Variants in IVNS1ABP observed in about 807,000 individuals in gnomAD.
IVNS1ABP encodes the protein influenza virus NS1A binding protein.
In IVNS1ABP, 25 loss-of-function variants were observed where a neutral mutation model predicts 78.9. That is an observed-to-expected ratio of 0.32 (90% CI 0.23 to 0.44). The LOEUF (loss-of-function observed/expected upper bound fraction) is 0.44, where lower values mean the gene tolerates loss of function less well. Among genes scored for constraint, IVNS1ABP ranks in the 20% least tolerant of loss-of-function variants. IVNS1ABP has a pLI of 1.00. For missense variants in IVNS1ABP, 494 were observed against 768.9 expected (o/e 0.64, Z 4.23); for synonymous variants, 241 against 259.7 (o/e 0.93, Z 0.69).
Position 185,297,906 on chromosome 1 carries a change from G to A in IVNS1ABP, c.*129C>T. 1 of 818,354 alleles carries A rather than the reference G, an allele frequency of 1.2e-6. No homozygotes were observed. Among genetic ancestry groups the A allele is most frequent in the Admixed American group, 2.4e-5 (1 of 42,152 alleles). The allele number at this position is 818,354 out of a possible 1,614,324, so 50.7% of individuals were successfully genotyped here. A position where few individuals can be genotyped will look rare whatever the true frequency, so the allele number is the denominator to read the frequency against. On this transcript the variant is annotated 3_prime_UTR_variant, in exon 15 of 15. Transcript: ENST00000367498. ...GTATGTACAGCATGTTTAATAGTAT[G>A]CAATATGCAAAAGCTTTGTGTTGCT...
At chr1:185,315,752 A>T (rs1018693939) in intron 1 of IVNS1ABP, among the ~76,000 whole-genome samples, 6 of 152,226 alleles carry the variant, frequency 3.9e-5, no homozygotes, top group African/African-American at 1.4e-4. Context: ...TAGAATTATT[A>T]AAAGAAAGCA....
intron 8 of IVNS1ABP, among the ~76,000 whole-genome samples, chr1:185,302,480 T>C (rs1665627194): frequency 6.6e-6 from 1 of 152,150 alleles, no homozygotes; most frequent in South Asian, 2.1e-4. Context: ...ATCCCACTTG[T>C]GCTGGTCCAG....
At chr1:185,307,370 A>G (rs1665765990) in intron 6 of IVNS1ABP, 119 bp downstream of exon 6, 2 of 927,782 alleles carry the variant, frequency 2.2e-6, no homozygotes, top group Non-Finnish European at 3.2e-6. Flanking sequence ...GCTGCTAAGA[A>G]TAACAATATA....
intron 10 of IVNS1ABP, 59 bp downstream of exon 10, chr1:185,300,913 T>A (rs143972193): frequency 7.5e-7 from 1 of 1,328,678 alleles, no homozygotes; most frequent in Non-Finnish European, 1.1e-6. Flanking sequence ...CTTTGAAAGT[T>A]TGCATGTCAC....
At position 185,299,989 on chromosome 1, in the gene IVNS1ABP, A is replaced by G; in HGVS notation, c.1501+10T>C. ...TCTTTAAAAAAAAAAAGGAAAAAAA[A>G]TCAACTTACGAATGTTAAGAGGGGC... On this transcript the variant is annotated intron_variant, in intron 13 of 14. Transcript: ENST00000367498. 6.2e-7 allele frequency: 1 copy of G among 1,606,696 alleles called. No homozygotes were observed. The highest frequency in any genetic ancestry group is 1.7e-5 in the Admixed American group (1 of 58,214).
intron 1 of IVNS1ABP, among the ~76,000 whole-genome samples, chr1:185,316,147 T>G (rs1027641059): frequency 3.3e-5 from 5 of 152,164 alleles, no homozygotes; most frequent in Non-Finnish European, 7.4e-5. Flanking sequence ...GAGCAAATCT[T>G]GCCACTGATT....
At position 185,297,400 on chromosome 1, in the gene IVNS1ABP, A is replaced by ACCCCTACT. The variant is rs1436348683; in HGVS notation, c.*627_*634dup. 1 of 152,128 alleles carries ACCCCTACT rather than the reference A, an allele frequency of 6.6e-6. No individual in the cohort carries two copies. Among genetic ancestry groups the ACCCCTACT allele is most frequent in the Non-Finnish European group, 1.5e-5 (1 of 68,030 alleles). The allele number at this position is 152,128 out of a possible 1,614,324, so 9.4% of individuals were successfully genotyped here. A position where few individuals can be genotyped will look rare whatever the true frequency, so the allele number is the denominator to read the frequency against. On this transcript the variant is annotated 3_prime_UTR_variant, in exon 15 of 15. Coordinates refer to ENST00000367498, the MANE Select transcript of IVNS1ABP (RefSeq NM_006469.5). Reference sequence around the variant, plus strand: ...TTTGCACTCAGAGTTTAAAAGACAGACCCCTACTCTGCAAACTGAAGACTG... The same window carrying ACCCCTACT: ...TTTGCACTCAGAGTTTAAAAGACAGACCCCTACTCCCCTACTCTGCAAACTGAAGACTG...
chr1:185,297,547 G>A lies in IVNS1ABP; in HGVS notation c.*488C>T, dbSNP rs1332916975. The A allele has an allele frequency of 6.5e-6, 1 of 154,008 alleles. No homozygotes were observed. Among genetic ancestry groups the A allele is most frequent in the Non-Finnish European group, 1.4e-5 (1 of 69,012 alleles). The allele number at this position is 154,008 out of a possible 1,614,324, so 9.5% of individuals were successfully genotyped here. On this transcript the variant is annotated 3_prime_UTR_variant, in exon 15 of 15. Coordinates refer to ENST00000367498, the MANE Select transcript of IVNS1ABP (RefSeq NM_006469.5). ...AGATTAAATATTGGTAGGCATGTAA[G>A]CTTCCTTTTAATAAAAACAAAAATA...
chr1:185,305,655 C>T lies in IVNS1ABP; in HGVS notation c.658-12G>A, dbSNP rs754699849. 1.2e-6 allele frequency: 2 copies of T among 1,612,742 alleles called. No individual in the cohort carries two copies. The highest frequency in any genetic ancestry group is 1.7e-6 in the Non-Finnish European group (2 of 1,179,290). On this transcript the variant is annotated splice_polypyrimidine_tract_variant and intron_variant, in intron 7 of 14. Transcript: ENST00000367498. This position sits in a 1 kb window ranked among gnomAD's most constrained non-coding sequence, Gnocchi z 4.0. ...TACAAGGTTTGAACCTGCAAAACAG[C>T]AACAGAACACCCATGTGGCTACGGT...
rs148689764 is a variant in IVNS1ABP at position 185,309,751 on chromosome 1, A to G, written c.-18-240T>C. ...TCAAACAGTAGCAGCTATCTCGACA[A>G]TTTTGGCCAGGTTCCCATGCCCATT... On this transcript the variant is annotated intron_variant, in intron 2 of 14. Transcript: ENST00000367498. Among the ~76,000 whole-genome samples the G allele has an allele frequency of 4.0e-4, 61 of 152,280 alleles. No homozygotes were observed. In the East Asian group the frequency reaches 9.1e-3, roughly 23 times the overall value.
chr1:185,298,022 G>T lies in IVNS1ABP; in HGVS notation c.*13C>A. 6.2e-7 allele frequency: 1 copy of T among 1,611,144 alleles called. No individual in the cohort carries two copies. The highest frequency in any genetic ancestry group is 8.5e-7 in the Non-Finnish European group (1 of 1,178,316). On this transcript the variant is annotated 3_prime_UTR_variant, in exon 15 of 15. Coordinates refer to ENST00000367498, the MANE Select transcript of IVNS1ABP (RefSeq NM_006469.5). The surrounding 1 kb of genome is among the most constrained non-coding windows in gnomAD (Gnocchi z 4.1). ...ATCACTAAGCCTGTTAGTTTGAGAG[G>T]GTCTTAAATTTGTTAAAACTGGAAA... is the stretch of plus-strand genomic sequence containing the variant.
Position 185,298,050 on chromosome 1 carries a change from C to A in IVNS1ABP, c.1914G>T (p.Lys638Asn). 6.2e-7 allele frequency: 1 copy of A among 1,613,130 alleles called. No homozygotes were observed. Among genetic ancestry groups the A allele is most frequent in the Non-Finnish European group, 8.5e-7 (1 of 1,179,532 alleles). The change falls in exon 15 of 15, where the codon AAG becomes AAT. Residue 638 changes from lysine (K) to asparagine (N), a missense_variant. Coordinates refer to ENST00000367498, the MANE Select transcript of IVNS1ABP (RefSeq NM_006469.5). This position sits in a 1 kb window ranked among gnomAD's most constrained non-coding sequence, Gnocchi z 4.1. ...CTTAAATTTGTTAAAACTGGAAAAT[C>A]TTTGTATAGGGGCTCCATTCATTTG... ...LESNEWSPYT[K>N]IFQF
In IVNS1ABP at chr1:185,305,651, A is replaced by G; in HGVS notation, c.658-8T>C. The G allele has an allele frequency of 6.2e-7, 1 of 1,612,878 alleles. No homozygotes were observed. Among genetic ancestry groups the G allele is most frequent in the Non-Finnish European group, 8.5e-7 (1 of 1,179,318 alleles). On this transcript the variant is annotated splice_region_variant and splice_polypyrimidine_tract_variant and intron_variant, in intron 7 of 14. Coordinates refer to ENST00000367498, the MANE Select transcript of IVNS1ABP (RefSeq NM_006469.5). The surrounding 1 kb of genome is among the most constrained non-coding windows in gnomAD (Gnocchi z 4.0). Reference sequence around the variant, plus strand: ...GTAGTACAAGGTTTGAACCTGCAAAACAGCAACAGAACACCCATGTGGCTA... The same window carrying G: ...GTAGTACAAGGTTTGAACCTGCAAAGCAGCAACAGAACACCCATGTGGCTA...
At position 185,298,378 on chromosome 1, in the gene IVNS1ABP, G is replaced by A; in HGVS notation, c.1676-90C>T. On this transcript the variant is annotated intron_variant, in intron 14 of 14. Coordinates refer to ENST00000367498, the MANE Select transcript of IVNS1ABP (RefSeq NM_006469.5). This position sits in a 1 kb window ranked among gnomAD's most constrained non-coding sequence, Gnocchi z 4.1. The stretch of plus-strand genomic sequence containing the variant: ...ATCTGTCTTTTGCTTAAAAATCAGT[G>A]GTTTTAAAAATAGAAATGCCTGTTC... 10 of 1,219,026 alleles carry A rather than the reference G, an allele frequency of 8.2e-6. No homozygotes were observed. Among genetic ancestry groups the A allele is most frequent in the South Asian group, 7.7e-5 (5 of 64,746 alleles). 75.5% of individuals were successfully genotyped at this position (1,219,026 alleles called of 1,614,324 possible). A position where few individuals can be genotyped will look rare whatever the true frequency, so the allele number is the denominator to read the frequency against.
rs774938766 is a variant in IVNS1ABP at position 185,308,091 on chromosome 1, GA to G, written c.358-430del. ...TTGGAAAGACAGCAACTATATAAGG[GA>G]AAATCTAGAAACTAAATGCAGGGAT... On this transcript the variant is annotated intron_variant, in intron 5 of 14. Transcript: ENST00000367498. The G allele has an allele frequency of 8.0e-6, 12 of 1,503,666 alleles. 1 individual carries two copies. The Admixed American group carries it at 1.5e-4, about 19-fold the overall frequency. 93.1% of individuals were successfully genotyped at this position (1,503,666 alleles called of 1,614,324 possible). A position where few individuals can be genotyped will look rare whatever the true frequency, so the allele number is the denominator to read the frequency against.
In IVNS1ABP at chr1:185,297,987, C is replaced by T. The variant is rs774410739; in HGVS notation, c.*48G>A. The T allele has an allele frequency of 3.2e-6, 5 of 1,583,664 alleles. No homozygotes were observed. The Admixed American group carries it at 8.6e-5, about 27-fold the overall frequency. The stretch of plus-strand genomic sequence containing the variant: ...TTATTCACAAGTGTACCTCTACTAA[C>T]CATAATTACATCACTAAGCCTGTTA... On this transcript the variant is annotated 3_prime_UTR_variant, in exon 15 of 15. Coordinates refer to ENST00000367498, the MANE Select transcript of IVNS1ABP (RefSeq NM_006469.5).
intron 5 of IVNS1ABP, 45 bp downstream of exon 5, chr1:185,308,754 CA>C: frequency 1.4e-6 from 2 of 1,393,726 alleles, no homozygotes. Flanking sequence ...TGCAATCACA[CA>C]AAATAAGACT....
intron 3 of IVNS1ABP, 83 bp downstream of exon 3, chr1:185,309,300 A>T: frequency 3.3e-6 from 4 of 1,230,008 alleles, no homozygotes; most frequent in Non-Finnish European, 4.5e-6. Context: ...TTAAATGCCT[A>T]TGAAAAAGAA....
intron 8 of IVNS1ABP, 125 bp from the exon 9 acceptor site, chr1:185,301,688 T>A: frequency 9.6e-7 from 1 of 1,037,438 alleles, no homozygotes; most frequent in Non-Finnish European, 1.4e-6. Context: ...GGACACTAAC[T>A]TTAACTCAAG....
Sources: allele counts gnomAD v4.1 joint callset (sites outside exome capture counted in the v4.1 genomes callset), GRCh38; gene constraint gnomAD v4.1.1; non-coding constraint Gnocchi (gnomAD v3.1); transcripts MANE v1.5; gene names NCBI Gene and HGNC (gene_info 2026-07-23, HGNC 2026-07-21).